The following RIMS2 variants were observed in gnomAD, a reference collection of about 807,000 sequenced individuals.
The protein encoded by RIMS2 is regulating synaptic membrane exocytosis protein 2.
Under a neutral mutation model 174.4 loss-of-function variants are expected in RIMS2, and 59 were observed. The observed-to-expected ratio is 0.34, with a 90% CI of 0.27 to 0.42. The LOEUF is 0.42. RIMS2 is among the 10% of genes least tolerant of loss of function. The pLI, the probability that RIMS2 is intolerant of heterozygous loss-of-function variation, is 1.00. For synonymous variants in RIMS2, 606 were observed against 572.5 expected, an observed-to-expected ratio of 1.06 and a Z score of -0.84; for missense variants, 1,620 against 1,666.3, an observed-to-expected ratio of 0.97 and a Z score of 0.48.
At chr8:104,097,788 A>G (rs1334486017) in intron 19 of RIMS2, among the ~76,000 whole-genome samples, 4 of 152,146 alleles carry the variant, frequency 2.6e-5, no homozygotes, top group Admixed American at 6.5e-5. Context: ...TATATCTTTT[A>G]TTTGAAATCT....
At chr8:104,222,758 A>T (rs188136365) in intron 19 of RIMS2, among the ~76,000 whole-genome samples, 1 of 152,234 alleles carries the variant, frequency 6.6e-6, no homozygotes, top group Admixed American at 6.5e-5. Context: ...AAGCCGTACA[A>T]TGTTGTCATT....
chr8:103,701,313 G>A (rs993155684), intron 2 of RIMS2, among the ~76,000 whole-genome samples: 4 of 151,838 alleles, frequency 2.6e-5, no homozygotes, highest in Non-Finnish European at 5.9e-5. Context: ...TTTAATAGTC[G>A]TACATATTAA....
At chr8:103,797,447 A>AAAG (rs2098557423) in intron 3 of RIMS2, among the ~76,000 whole-genome samples, 1 of 152,200 alleles carries the variant, frequency 6.6e-6, no homozygotes, top group East Asian at 1.9e-4. Flanking sequence ...GAATTGAACT[A>AAAG]AATCACTGAA....
At chr8:104,101,441 A>G (rs1357703444) in intron 19 of RIMS2, among the ~76,000 whole-genome samples, 1 of 152,020 alleles carries the variant, frequency 6.6e-6, no homozygotes, top group African/African-American at 2.4e-5. Flanking sequence ...CTTGGACTAT[A>G]TTAATTCTAC....
chr8:103,777,167 A>G (rs945759761), intron 3 of RIMS2, among the ~76,000 whole-genome samples: 1 of 152,080 alleles, frequency 6.6e-6, no homozygotes, highest in African/African-American at 2.4e-5. Flanking sequence ...TGCTCATTAA[A>G]TAGTTGTTGA....
chr8:104,132,458 A>C (rs2098480952), intron 19 of RIMS2, among the ~76,000 whole-genome samples: 1 of 152,188 alleles, frequency 6.6e-6, no homozygotes. Flanking sequence ...CTTATTACCT[A>C]AATTTGCTAA....
chr8:103,980,616 C>T (rs377245717), intron 16 of RIMS2, among the ~76,000 whole-genome samples: 3 of 152,290 alleles, frequency 2.0e-5, no homozygotes, highest in South Asian at 4.1e-4. Context: ...GAGCAAAAAG[C>T]AGGCTCATGG....
At chr8:103,759,391 C>CT (rs2098079429) in intron 2 of RIMS2, among the ~76,000 whole-genome samples, 1 of 151,846 alleles carries the variant, frequency 6.6e-6, no homozygotes, top group African/African-American at 2.4e-5. Context: ...CGGTGAAACC[C>CT]TTTCTCTACT....
intron 3 of RIMS2, among the ~76,000 whole-genome samples, chr8:103,813,161 T>C (rs182946872): frequency 1.3e-5 from 2 of 152,340 alleles, no homozygotes; most frequent in East Asian, 1.9e-4. Flanking sequence ...AATGCTTTGG[T>C]ACTCTTAAAA....
intron 19 of RIMS2, among the ~76,000 whole-genome samples, chr8:104,080,856 T>A (rs2097403748): frequency 6.6e-6 from 1 of 152,034 alleles, no homozygotes; most frequent in Non-Finnish European, 1.5e-5. Flanking sequence ...ATTTTGAAGA[T>A]CGTAAAATAA....
At position 103,974,545 on chromosome 8, in the gene RIMS2, C is replaced by T. The variant is rs535804909; in HGVS notation, c.2771-805C>T. ...CCCACATTGAACTGTTGTTTTCCTA[C>T]CAACTTAGAAGTCCTTCTACTTTCC... is the stretch of plus-strand genomic sequence containing the variant. On this transcript the variant is annotated intron_variant, in intron 15 of 23. Transcript: ENST00000504942. Among the ~76,000 whole-genome samples the T allele has an allele frequency of 9.2e-5, 14 of 152,286 alleles. No homozygotes were observed. The East Asian group carries it at 1.4e-3, about 15-fold the overall frequency.
intron 3 of RIMS2, among the ~76,000 whole-genome samples, chr8:103,858,617 A>G (rs574016897): frequency 8.1e-4 from 122 of 150,726 alleles, no homozygotes; most frequent in African/African-American, 2.8e-3. Flanking sequence ...GTGTGTGTGT[A>G]TATATATATA....
At chr8:104,222,780 T>G (rs140291552) in intron 19 of RIMS2, among the ~76,000 whole-genome samples, 2,579 of 152,346 alleles carry the variant, frequency 0.017, 33 homozygotes, top group Non-Finnish European at 0.021. Flanking sequence ...TTAGCCATAC[T>G]GGGTAGATTA....
chr8:103,589,269 A>T (rs1162042920), intron 1 of RIMS2, among the ~76,000 whole-genome samples: 1 of 151,658 alleles, frequency 6.6e-6, no homozygotes, highest in Non-Finnish European at 1.5e-5. Flanking sequence ...ATGGGGAAAC[A>T]GTTTGAATAG....
intron 19 of RIMS2, among the ~76,000 whole-genome samples, chr8:104,110,509 G>A (rs16892389): frequency 0.24 from 35,722 of 151,950 alleles, 4,498 homozygotes; most frequent in African/African-American, 0.33. Context: ...TTTTTAAACT[G>A]TAAAAAATAC....
At chr8:103,772,053 T>C (rs936738047) in intron 3 of RIMS2, among the ~76,000 whole-genome samples, 4 of 152,088 alleles carry the variant, frequency 2.6e-5, no homozygotes, top group Non-Finnish European at 4.4e-5. Flanking sequence ...CTAGTACTTA[T>C]GACTTTCCAA....
intron 19 of RIMS2, among the ~76,000 whole-genome samples, chr8:104,148,003 T>C (rs1210765331): frequency 6.6e-6 from 1 of 151,894 alleles, no homozygotes; most frequent in Non-Finnish European, 1.5e-5. Context: ...ATTTTTGTAA[T>C]ATAGATTTAT....
intron 16 of RIMS2, among the ~76,000 whole-genome samples, chr8:103,983,137 C>T (rs1189849064): frequency 6.6e-6 from 1 of 152,070 alleles, no homozygotes; most frequent in African/African-American, 2.4e-5. Context: ...AAAGTAATTC[C>T]ACTTATAACA....
At chr8:103,995,968 C>T (rs1014084443) in intron 17 of RIMS2, among the ~76,000 whole-genome samples, 3 of 151,804 alleles carry the variant, frequency 2.0e-5, no homozygotes, top group African/African-American at 4.8e-5. Flanking sequence ...AATTTTGAGA[C>T]TGTAAAACTT....
Sources: allele counts gnomAD v4.1 joint callset (sites outside exome capture counted in the v4.1 genomes callset), GRCh38; gene constraint gnomAD v4.1.1; transcripts MANE v1.5; gene names NCBI Gene and HGNC (gene_info 2026-07-23, HGNC 2026-07-21).